Variants in RARB observed in about 807,000 individuals in gnomAD.
RARB encodes retinoic acid receptor beta.
RARB carries 17 observed loss-of-function variants against 51.9 expected under a neutral mutation model. The ratio of observed to expected loss-of-function variants is 0.33; its 90% CI spans 0.22 to 0.49. RARB has a LOEUF of 0.49. Among genes scored for constraint, RARB ranks in the 20% least tolerant of loss-of-function variants. The pLI, the probability that RARB is intolerant of heterozygous loss-of-function variation, is 0.99. For missense variants in RARB, 369 were observed against 550.8 expected, an observed-to-expected ratio of 0.67 and a Z score of 3.30; for synonymous variants, 215 against 195.4, an observed-to-expected ratio of 1.10 and a Z score of -0.84.
intron 3 of RARB, among the ~76,000 whole-genome samples, chr3:25,070,340 A>T (rs1698743417): frequency 6.6e-6 from 1 of 152,124 alleles, no homozygotes; most frequent in South Asian, 2.1e-4. Flanking sequence ...ATCTTTTGGG[A>T]GGGTAGGAGG....
intron 2 of RARB, among the ~76,000 whole-genome samples, chr3:24,859,464 G>A (rs1702700501): frequency 6.6e-6 from 1 of 152,146 alleles, no homozygotes; most frequent in Admixed American, 6.5e-5. Flanking sequence ...GTACTCACCT[G>A]GAAGTTAAAC....
chr3:25,528,010 C>G (rs1259511408), intron 3 of RARB, among the ~76,000 whole-genome samples: 1 of 152,214 alleles, frequency 6.6e-6, no homozygotes, highest in Admixed American at 6.5e-5. Flanking sequence ...GCTCTGCAAG[C>G]TGAGCCAGAA....
intron 2 of RARB, among the ~76,000 whole-genome samples, chr3:24,972,997 A>AT (rs566421659): frequency 2.3e-4 from 35 of 151,902 alleles, no homozygotes; most frequent in African/African-American, 8.4e-4. Flanking sequence ...CCATTTGTCC[A>AT]TTTTTTGCTT....
chr3:25,442,162 G>A (rs1006826050), intron 1 of RARB, among the ~76,000 whole-genome samples: 1 of 123,810 alleles, frequency 8.1e-6, no homozygotes, highest in African/African-American at 2.9e-5. Flanking sequence ...TTGAGACGGA[G>A]TCTCACTCTG....
Position 25,478,260 on chromosome 3 carries a change from A to G in RARB, c.306+16919A>G, listed in dbSNP as rs114704987. ...ACATAAACCCTCCTTTCATTGGGAT[A>G]GTGCCATAGTCACTTTAAAAGAGCA... On this transcript the variant is annotated intron_variant, in intron 2 of 7. Transcript: ENST00000330688. 4.8e-3 allele frequency among the ~76,000 whole-genome samples: 730 copies of G among 152,332 alleles called. 3 individuals carry two copies. Among genetic ancestry groups the G allele is most frequent in the African/African-American group, 0.016 (684 of 41,572 alleles).
chr3:24,942,861 A>C (rs1695697757), intron 2 of RARB, among the ~76,000 whole-genome samples: 1 of 152,166 alleles, frequency 6.6e-6, no homozygotes, highest in Admixed American at 6.5e-5. Flanking sequence ...AAATCATCTA[A>C]AACCTGGCTC....
chr3:24,965,139 T>TA (rs1348228016), intron 2 of RARB, among the ~76,000 whole-genome samples: 2 of 152,190 alleles, frequency 1.3e-5, no homozygotes, highest in Non-Finnish European at 2.9e-5. Flanking sequence ...CACTTCTGGT[T>TA]AAGGGCACAG....
intron 5 of RARB, among the ~76,000 whole-genome samples, chr3:25,216,731 CTACATATATATATATCTAG>C (rs1331651275): frequency 2.0e-5 from 3 of 150,704 alleles, no homozygotes; most frequent in Non-Finnish European, 4.4e-5. Flanking sequence ...AATATAGGTA[CTACATATATATATATCTAG>C]TACATATATA....
chr3:25,189,941 G>A (rs543818822), intron 5 of RARB, among the ~76,000 whole-genome samples: 31 of 151,978 alleles, frequency 2.0e-4, no homozygotes, highest in African/African-American at 5.8e-4. Flanking sequence ...TGTGATCCCC[G>A]GATAAACTCC....
At position 25,389,829 on chromosome 3, in the gene RARB, A is replaced by G. The variant is rs545696335; in HGVS notation, c.179-71364A>G. Among the ~76,000 whole-genome samples, 8 of 152,350 alleles carry G rather than the reference A, an allele frequency of 5.3e-5. No individual in the cohort carries two copies. The East Asian group carries it at 1.2e-3, about 22-fold the overall frequency. ...AGTTATCTTTGAAGTGCATTGGGGC[A>G]CAAGGGAAAAGAGCATTAGCCTGAA... On this transcript the variant is annotated intron_variant, in intron 5 of 11. Transcript: ENST00000383772.
intron 2 of RARB, among the ~76,000 whole-genome samples, chr3:25,485,786 C>G (rs954705228): frequency 2.0e-5 from 3 of 152,240 alleles, no homozygotes; most frequent in Middle Eastern, 3.4e-3. Flanking sequence ...CACTCTGGTT[C>G]CCTTCGGGAA....
intron 5 of RARB, among the ~76,000 whole-genome samples, chr3:25,385,872 C>T (rs1294479175): frequency 6.6e-6 from 1 of 152,124 alleles, no homozygotes; most frequent in Non-Finnish European, 1.5e-5. Context: ...TAAGAAGGAG[C>T]AATCAGAACT....
chr3:24,913,165 T>C (rs1370854379), intron 2 of RARB, among the ~76,000 whole-genome samples: 1 of 151,596 alleles, frequency 6.6e-6, no homozygotes, highest in African/African-American at 2.4e-5. Flanking sequence ...TTTGTATTTT[T>C]AGTAGAGACG....
chr3:25,549,994 A>G (rs1022188585), intron 3 of RARB, among the ~76,000 whole-genome samples: 25 of 152,166 alleles, frequency 1.6e-4, no homozygotes, highest in African/African-American at 6.0e-4. Flanking sequence ...GGTCCCTTCC[A>G]GCTGTAGAAT....
intron 5 of RARB, among the ~76,000 whole-genome samples, chr3:25,367,613 C>T (rs1575347376): frequency 6.7e-6 from 1 of 148,514 alleles, no homozygotes. Context: ...CTGAGGAGTT[C>T]GAGACCAGCC....
At chr3:25,487,285 A>G (rs1394446296) in intron 2 of RARB, among the ~76,000 whole-genome samples, 3 of 152,178 alleles carry the variant, frequency 2.0e-5, no homozygotes, top group African/African-American at 7.2e-5. Flanking sequence ...GGCTTTAAAT[A>G]ATAGACCCCA....
At chr3:25,001,436 A>G (rs889934462) in intron 2 of RARB, among the ~76,000 whole-genome samples, 3 of 152,104 alleles carry the variant, frequency 2.0e-5, no homozygotes, top group Non-Finnish European at 2.9e-5. Context: ...AGCAATGTGG[A>G]TACTTTTGCC....
intron 5 of RARB, among the ~76,000 whole-genome samples, chr3:25,195,356 A>G (rs575570587): frequency 1.9e-4 from 29 of 152,154 alleles, no homozygotes; most frequent in African/African-American, 6.3e-4. Context: ...ATAGTTATTC[A>G]TGGGCTAAGA....
chr3:25,308,354 A>T (rs1704202706), intron 5 of RARB, among the ~76,000 whole-genome samples: 1 of 152,136 alleles, frequency 6.6e-6, no homozygotes, highest in Non-Finnish European at 1.5e-5. Context: ...TATGCTTTGC[A>T]GCCATACAGA....
Sources: allele counts gnomAD v4.1 joint callset (sites outside exome capture counted in the v4.1 genomes callset), GRCh38; gene constraint gnomAD v4.1.1; transcripts MANE v1.5; gene names NCBI Gene and HGNC (gene_info 2026-07-23, HGNC 2026-07-21).